Variants in TMTC1 observed in about 807,000 individuals in gnomAD.
TMTC1 encodes transmembrane O-mannosyltransferase targeting cadherins 1, also known as protein O-mannosyl-transferase TMTC1.
In TMTC1, 73 loss-of-function variants were observed where a neutral mutation model predicts 104.8. The observed-to-expected ratio is 0.70, with a 90% CI of 0.58 to 0.85. The LOEUF (loss-of-function observed/expected upper bound fraction) is 0.85. Ranked by LOEUF, TMTC1 falls within the 40% of genes least tolerant of loss-of-function variation. The probability of loss-of-function intolerance (pLI) is 0.00; values close to 1 mark genes in which losing one functional copy is unlikely to be tolerated. For missense variants in TMTC1, 1,035 were observed against 1,096.1 expected, an observed-to-expected ratio of 0.94 and a Z score of 0.79; for synonymous variants, 434 against 428.7, an observed-to-expected ratio of 1.01 and a Z score of -0.15.
intron 1 of TMTC1, among the ~76,000 whole-genome samples, chr12:29,775,913 T>C (rs1418158701): frequency 6.6e-6 from 1 of 151,752 alleles, no homozygotes; most frequent in East Asian, 1.9e-4. Context: ...ATCCCAGGAG[T>C]CCATCATGAA....
chr12:29,659,961 C>T (rs1342801421), intron 5 of TMTC1: 20 of 1,535,766 alleles, frequency 1.3e-5, no homozygotes, highest in East Asian at 2.4e-5. Flanking sequence ...TATCCACAGA[C>T]GGAAGTACAA....
intron 9 of TMTC1, among the ~76,000 whole-genome samples, chr12:29,558,771 T>C (rs1296242135): frequency 6.6e-6 from 1 of 152,148 alleles, no homozygotes; most frequent in Non-Finnish European, 1.5e-5. Context: ...CTGGCCCCAT[T>C]ACATCCAACT....
At chr12:29,536,071 C>T in intron 11 of TMTC1, 138 bp downstream of exon 11, 1 of 646,354 alleles carries the variant, frequency 1.5e-6, no homozygotes. Context: ...CTTGTAATTT[C>T]TGTCCAAAAG....
At chr12:29,634,987 G>A (rs1293255366) in intron 5 of TMTC1, among the ~76,000 whole-genome samples, 2 of 152,136 alleles carry the variant, frequency 1.3e-5, no homozygotes, top group East Asian at 3.9e-4. Context: ...CCATCAGGCT[G>A]CAGGGCAGGA....
intron 5 of TMTC1, among the ~76,000 whole-genome samples, chr12:29,702,830 G>A (rs923096651): frequency 1.3e-5 from 2 of 152,188 alleles, no homozygotes; most frequent in East Asian, 1.9e-4. Context: ...TAAGGACTGC[G>A]ATATTTTCTA....
At chr12:29,538,513 G>T (rs1944706431) in intron 10 of TMTC1, among the ~76,000 whole-genome samples, 1 of 143,230 alleles carries the variant, frequency 7.0e-6, no homozygotes, top group South Asian at 2.4e-4. Context: ...ATTTAGCTTA[G>T]ATATTCTTCA....
At chr12:29,576,240 AG>A (rs1945818622) in intron 8 of TMTC1, among the ~76,000 whole-genome samples, 1 of 152,090 alleles carries the variant, frequency 6.6e-6, no homozygotes, top group South Asian at 2.1e-4. Flanking sequence ...GCTGTGTGGA[AG>A]TTTTTTAGTT....
chr12:29,514,849 C>CA (rs1452565294), intron 15 of TMTC1, among the ~76,000 whole-genome samples: 97 of 151,776 alleles, frequency 6.4e-4, no homozygotes, highest in Middle Eastern at 3.4e-3. Flanking sequence ...CCTGTCTCTA[C>CA]AAAAAAATAC....
chr12:29,593,782 C>T (rs757863370), intron 7 of TMTC1, among the ~76,000 whole-genome samples: 23 of 152,178 alleles, frequency 1.5e-4, no homozygotes, highest in Non-Finnish European at 2.5e-4. Context: ...TGCATTCAAA[C>T]CTGATAAGAA....
intron 6 of TMTC1, among the ~76,000 whole-genome samples, chr12:29,611,110 A>T (rs1233367781): frequency 6.6e-6 from 1 of 152,126 alleles, no homozygotes; most frequent in Non-Finnish European, 1.5e-5. Flanking sequence ...CAGAGCACCG[A>T]AGGCCGATTA....
At chr12:29,719,371 T>C (rs1942172512) in intron 5 of TMTC1, among the ~76,000 whole-genome samples, 1 of 152,232 alleles carries the variant, frequency 6.6e-6, no homozygotes, top group South Asian at 2.1e-4. Flanking sequence ...TTTGCTCCAT[T>C]TGCCTGGGAA....
intron 5 of TMTC1, among the ~76,000 whole-genome samples, chr12:29,692,066 T>C (rs1941284639): frequency 6.9e-6 from 1 of 145,648 alleles, no homozygotes; most frequent in Non-Finnish European, 1.5e-5. Context: ...GTAGACATTG[T>C]CATTACTCTC....
intron 5 of TMTC1, among the ~76,000 whole-genome samples, chr12:29,640,231 G>T (rs537731651): frequency 2.0e-5 from 3 of 152,172 alleles, no homozygotes; most frequent in African/African-American, 7.2e-5. Context: ...CCAATTAACC[G>T]AGCTCAATTA....
intron 2 of TMTC1, among the ~76,000 whole-genome samples, chr12:29,765,535 T>C (rs1204677401): frequency 6.6e-6 from 1 of 152,150 alleles, no homozygotes; most frequent in Non-Finnish European, 1.5e-5. Flanking sequence ...AAATATACAA[T>C]TAAATCTATA....
intron 5 of TMTC1, among the ~76,000 whole-genome samples, chr12:29,664,691 C>G (rs565472559): frequency 7.7e-4 from 118 of 152,318 alleles, no homozygotes; most frequent in Non-Finnish European, 1.9e-4. Context: ...ATTATAATTT[C>G]TTTCTTCTAA....
chr12:29,764,131 T>G (rs1324362177), intron 2 of TMTC1, among the ~76,000 whole-genome samples: 1 of 152,228 alleles, frequency 6.6e-6, no homozygotes, highest in East Asian at 1.9e-4. Context: ...ACCTGGGAAC[T>G]GCAGCCTCTA....
chr12:29,701,867 C>T (rs926651808), intron 5 of TMTC1, among the ~76,000 whole-genome samples: 1 of 152,070 alleles, frequency 6.6e-6, no homozygotes, highest in Admixed American at 6.5e-5. Context: ...TTTCTTAAGG[C>T]ATTTAAACAA....
At chr12:29,548,557 C>G (rs1185609580) in intron 10 of TMTC1, among the ~76,000 whole-genome samples, 2 of 152,056 alleles carry the variant, frequency 1.3e-5, no homozygotes, top group African/African-American at 2.4e-5. Flanking sequence ...CACACACTCT[C>G]TTGCCTGCTG....
rs558082169 is a variant in TMTC1, at chr12:29,756,667, C to T, written c.555-782G>A. Among the ~76,000 whole-genome samples the T allele has an allele frequency of 2.6e-5, 4 of 152,264 alleles. No individual in the cohort carries two copies. The East Asian group carries it at 7.7e-4, about 29-fold the overall frequency. On this transcript the variant is annotated intron_variant, in intron 3 of 17. Coordinates refer to ENST00000539277, the MANE Select transcript of TMTC1 (RefSeq NM_001193451.2). The stretch of plus-strand genomic sequence containing the variant: ...TAAGCTTTTGTTTCACCTTGTAAAA[C>T]AGAGCGGGCCCCCTACCAAGAGACA...
Sources: gnomAD v4.1 joint callset for allele counts (sites outside exome capture counted in the v4.1 genomes callset) on GRCh38, gnomAD v4.1.1 for gene constraint, MANE v1.5 for transcripts, NCBI Gene and HGNC (gene_info 2026-07-23, HGNC 2026-07-21) for gene names.